Variants in PCDHGB1 observed in about 807,000 individuals in gnomAD.
PCDHGB1 encodes the protein protocadherin gamma-B1.
In PCDHGB1, 34 loss-of-function variants were observed where a neutral mutation model predicts 56.6. The ratio of observed to expected loss-of-function variants is 0.60; its 90% CI spans 0.46 to 0.80. The LOEUF is 0.80. PCDHGB1 is among the 30% of genes least tolerant of loss of function. PCDHGB1 has a pLI of 0.00. For synonymous variants in PCDHGB1, 561 were observed against 505.9 expected (o/e 1.11, Z -1.46); for missense variants, 1,278 against 1,204.6 (o/e 1.06, Z -0.90).
At chr5:141,387,439 A>G (rs1437445923) in intron 1 of PCDHGB1, among the ~76,000 whole-genome samples, 2 of 152,248 alleles carry the variant, frequency 1.3e-5, no homozygotes, top group African/African-American at 4.8e-5. Context: ...TTATGTACTT[A>G]ATCTACATGA....
chr5:141,505,779 T>G (rs1420143439), intron 3 of PCDHGB1, among the ~76,000 whole-genome samples: 1 of 139,496 alleles, frequency 7.2e-6, no homozygotes, highest in Non-Finnish European at 1.6e-5. Flanking sequence ...GTCCTAGCTC[T>G]GCTACTATCC....
intron 1 of PCDHGB1, among the ~76,000 whole-genome samples, chr5:141,460,646 C>T (rs1001365023): frequency 2.0e-5 from 3 of 151,954 alleles, no homozygotes; most frequent in African/African-American, 7.3e-5. Context: ...ACTGTGTTTA[C>T]ACATATGTAA....
At chr5:141,464,400 G>GAGATATATATATATCTATATATAT (rs2099082782) in intron 1 of PCDHGB1, among the ~76,000 whole-genome samples, 3 of 151,366 alleles carry the variant, frequency 2.0e-5, no homozygotes, top group African/African-American at 4.9e-5. Context: ...TGAAGAACCT[G>GAGATATATATATATCTATATATAT]AGATATATAT....
At chr5:141,401,726 A>T (rs943909540) in intron 1 of PCDHGB1, among the ~76,000 whole-genome samples, 1 of 152,186 alleles carries the variant, frequency 6.6e-6, no homozygotes, top group African/African-American at 2.4e-5. Context: ...AAAAACTACT[A>T]GTCTTGTGTA....
chr5:141,505,618 A>G, intron 3 of PCDHGB1, 137 bp downstream of exon 3: 6 of 1,496,136 alleles, frequency 4.0e-6, no homozygotes, highest in Non-Finnish European at 5.4e-6. Flanking sequence ...GAAAGGACCC[A>G]CAATTCCAAA....
In PCDHGB1 at chr5:141,365,825, G is replaced by T. The variant is rs772088278; in HGVS notation, c.2409+13156G>T. On this transcript the variant is annotated intron_variant, in intron 1 of 3. Transcript: ENST00000523390. Reference sequence around the variant, plus strand: ...CCTGGCTGAAGACACATTTCAGGGGGCGCCCTTGTCCTCCTATGTATCCAT... The same window carrying T: ...CCTGGCTGAAGACACATTTCAGGGGTCGCCCTTGTCCTCCTATGTATCCAT... 77 of 1,613,824 alleles carry T rather than the reference G, an allele frequency of 4.8e-5. No homozygotes were observed. In the Admixed American group the frequency reaches 5.7e-4, roughly 12 times the overall value.
chr5:141,389,741 G>A, intron 1 of PCDHGB1: 2 of 1,612,676 alleles, frequency 1.2e-6, no homozygotes, highest in African/African-American at 1.3e-5. Context: ...GCCTGGGGCT[G>A]CGCACGGGCG....
chr5:141,418,064 A>T, intron 1 of PCDHGB1: 1 of 1,614,006 alleles, frequency 6.2e-7, no homozygotes, highest in Non-Finnish European at 8.5e-7. Flanking sequence ...GCTGCGAGTG[A>T]GCGCGGAGAA....
chr5:141,425,242 G>A (rs2096863400), intron 1 of PCDHGB1, among the ~76,000 whole-genome samples: 1 of 152,128 alleles, frequency 6.6e-6, no homozygotes, highest in South Asian at 2.1e-4. Context: ...TAAATAAAAA[G>A]GATATGAGGT....
chr5:141,484,941 C>T (rs2099604065), intron 1 of PCDHGB1: 2 of 543,888 alleles, frequency 3.7e-6, no homozygotes, highest in East Asian at 6.3e-5. Context: ...ACGTTCTCTG[C>T]TCAGCCTATT....
At chr5:141,393,721 T>C (rs769235037) in intron 1 of PCDHGB1, 26 of 1,613,752 alleles carry the variant, frequency 1.6e-5, no homozygotes, top group African/African-American at 8.0e-5. Context: ...GAAATATCAA[T>C]AGCAAAAAGT....
At chr5:141,381,782 A>G (rs940671211) in intron 1 of PCDHGB1, among the ~76,000 whole-genome samples, 1 of 150,898 alleles carries the variant, frequency 6.6e-6, no homozygotes, top group African/African-American at 2.5e-5. Context: ...AATCAGGAAC[A>G]AGGCAAGGCA....
intron 1 of PCDHGB1, chr5:141,398,588 T>C: frequency 1.9e-6 from 3 of 1,614,010 alleles, no homozygotes; most frequent in African/African-American, 1.3e-5. Flanking sequence ...AGATTTATAC[T>C]AGAAGTAGCA....
rs1243327893 is a variant in PCDHGB1, at chr5:141,491,671, C to G, written c.2410-3136C>G. 1 of 1,613,484 alleles carries G rather than the reference C, an allele frequency of 6.2e-7. No homozygotes were observed. Among genetic ancestry groups the G allele is most frequent in the Admixed American group, 1.7e-5 (1 of 60,034 alleles). On this transcript the variant is annotated intron_variant, in intron 1 of 3. Transcript: ENST00000523390. This position sits in a 1 kb window ranked among gnomAD's most constrained non-coding sequence, Gnocchi z 6.9. ...GCTGGAGCCTGACGCCATCCGGTCC[C>G]GCTCTAATACGCTGCGGGAGCGGAG...
chr5:141,417,682 AAAAG>A (rs2096147308), intron 1 of PCDHGB1: 2 of 1,035,494 alleles, frequency 1.9e-6, no homozygotes, highest in Non-Finnish European at 2.7e-6. Context: ...CCAACAACAG[AAAAG>A]AAAACCAGCT....
At chr5:141,443,953 T>C (rs1373953428) in intron 1 of PCDHGB1, among the ~76,000 whole-genome samples, 1 of 152,142 alleles carries the variant, frequency 6.6e-6, no homozygotes, top group Non-Finnish European at 1.5e-5. Context: ...CTTATTGGTA[T>C]GTATTCTGTG....
intron 1 of PCDHGB1, among the ~76,000 whole-genome samples, chr5:141,353,635 T>C (rs116026217): frequency 0.033 from 5,090 of 152,330 alleles, 104 homozygotes; most frequent in African/African-American, 0.061. Context: ...ATGCTCTTTC[T>C]ATTTTGTCTC....
intron 1 of PCDHGB1, chr5:141,427,630 T>C (rs1043983899): frequency 2.8e-6 from 2 of 702,530 alleles, no homozygotes; most frequent in African/African-American, 1.7e-5. Context: ...AATGCTCCGG[T>C]TTTCCACCAA....
intron 1 of PCDHGB1, chr5:141,375,921 A>G: frequency 6.2e-7 from 1 of 1,613,712 alleles, no homozygotes; most frequent in Admixed American, 1.7e-5. Context: ...AAGGCCAGCG[A>G]GCCAGGACTT....
Sources: allele counts gnomAD v4.1 joint callset (sites outside exome capture counted in the v4.1 genomes callset), GRCh38; gene constraint gnomAD v4.1.1; non-coding constraint Gnocchi (gnomAD v3.1); transcripts MANE v1.5; gene names NCBI Gene and HGNC (gene_info 2026-07-23, HGNC 2026-07-21).